GMEB1: variants seen among roughly 807,000 people sequenced by gnomAD.
GMEB1 encodes the protein glucocorticoid modulatory element binding protein 1, also known as glucocorticoid modulatory element-binding protein 1.
In GMEB1, 6 loss-of-function variants were observed where a neutral mutation model predicts 52.4. That is an observed-to-expected ratio of 0.11 (90% confidence interval 0.06 to 0.23). GMEB1 has a LOEUF of 0.23. Ranked by LOEUF, GMEB1 falls within the 10% of genes least tolerant of loss-of-function variation. The pLI, the probability that GMEB1 is intolerant of heterozygous loss-of-function variation, is 1.00. For missense variants in GMEB1, 486 were observed against 685.6 expected (o/e 0.71, Z 3.25); for synonymous variants, 255 against 244.9 (o/e 1.04, Z -0.38).
intron 2 of GMEB1, chr1:28,689,899 G>T: frequency 2.1e-6 from 1 of 469,820 alleles, no homozygotes; most frequent in Non-Finnish European, 3.7e-6. Context: ...GAGGAGAGTT[G>T]TGGATTCATT....
intron 6 of GMEB1, among the ~76,000 whole-genome samples, chr1:28,701,873 A>G (rs1435299567): frequency 6.6e-6 from 1 of 152,188 alleles, no homozygotes; most frequent in East Asian, 1.9e-4. Flanking sequence ...ATCTTACTAT[A>G]CAAGTAATAG....
chr1:28,685,295 C>A (rs954910421), intron 2 of GMEB1, among the ~76,000 whole-genome samples: 1 of 151,678 alleles, frequency 6.6e-6, no homozygotes, highest in African/African-American at 2.4e-5. Flanking sequence ...CTGCAACCTC[C>A]GCCTCCCAGG....
At chr1:28,714,048 C>T in intron 9 of GMEB1, 25 bp from the exon 10 acceptor site, 1 of 1,563,402 alleles carries the variant, frequency 6.4e-7, no homozygotes, top group East Asian at 2.3e-5. Context: ...TCCCTCTACA[C>T]AAAGTCTTTT....
intron 5 of GMEB1, among the ~76,000 whole-genome samples, chr1:28,693,972 G>A (rs1290753800): frequency 6.6e-6 from 1 of 151,848 alleles, no homozygotes; most frequent in Admixed American, 6.6e-5. Flanking sequence ...GTCAATTATG[G>A]CTTGTGTAAA....
intron 9 of GMEB1, 127 bp from the exon 10 acceptor site, chr1:28,713,946 A>G (rs774562308): frequency 2.0e-4 from 142 of 703,874 alleles, no homozygotes; most frequent in Non-Finnish European, 3.1e-4. Context: ...AAAGAAAACA[A>G]TGTCACAACT....
At position 28,717,947 on chromosome 1, in the gene GMEB1, C is replaced by T. The variant is rs1224391108; in HGVS notation, c.*3174C>T. ...GAGATTTCCTCAAACAGCCTGTTTA[C>T]TAGATGAATTTTCCAGCTGGTGAAA... On this transcript the variant is annotated 3_prime_UTR_variant, in exon 10 of 10. Transcript: ENST00000373816. The T allele has an allele frequency of 3.3e-5, 5 of 152,158 alleles. No individual in the cohort carries two copies. In the South Asian group the frequency reaches 1.0e-3, roughly 31 times the overall value. The allele number at this position is 152,158 out of a possible 1,614,324, so 9.4% of individuals were successfully genotyped here.
intron 1 of GMEB1, among the ~76,000 whole-genome samples, chr1:28,677,731 A>G (rs1480293677): frequency 6.6e-6 from 1 of 152,150 alleles, no homozygotes; most frequent in Non-Finnish European, 1.5e-5. Flanking sequence ...TGGTATTTGT[A>G]TGCTTTATCA....
chr1:28,704,180 T>A lies in GMEB1; in HGVS notation c.731-12T>A. The stretch of plus-strand genomic sequence containing the variant: ...CTCTTTTTTACCCTCTGTCTTATCC[T>A]TCTTGTGCCAGAGGACACTTTGATG... On this transcript the variant is annotated splice_polypyrimidine_tract_variant and intron_variant, in intron 7 of 9. Coordinates refer to ENST00000373816, the MANE Select transcript of GMEB1 (RefSeq NM_001319674.2). 6.2e-7 allele frequency: 1 copy of A among 1,608,062 alleles called. No individual in the cohort carries two copies. The highest frequency in any genetic ancestry group is 1.1e-5 in the South Asian group (1 of 90,132).
rs779843026 is a variant in GMEB1 at position 28,691,592 on chromosome 1, C to T, written c.219C>T (p.Gly73=). The change falls in exon 4 of 10, where the codon GGC becomes GGT. Residue 73 remains glycine (G), a synonymous_variant. Coordinates refer to ENST00000373816, the MANE Select transcript of GMEB1 (RefSeq NM_001319674.2). ...IHKIEEGIDT[G]TIEANEDMEI... is the part of the protein sequence containing the mutation. ...TATTTTTTCTGTTTTCAGATACAGG[C>T]ACTATAGAAGCAAATGAGGATATGG... is the stretch of plus-strand genomic sequence containing the variant. 3 of 1,544,232 alleles carry T rather than the reference C, an allele frequency of 1.9e-6. No individual in the cohort carries two copies. Among genetic ancestry groups the T allele is most frequent in the Non-Finnish European group, 2.6e-6 (3 of 1,134,250 alleles).
At chr1:28,702,758 G>T (rs1018752616) in intron 7 of GMEB1, among the ~76,000 whole-genome samples, 189 bp downstream of exon 7, 1 of 152,034 alleles carries the variant, frequency 6.6e-6, no homozygotes, top group Non-Finnish European at 1.5e-5. Context: ...TACATACAAA[G>T]AAATCAGAAT....
At chr1:28,702,997 A>C (rs1191744938) in intron 7 of GMEB1, among the ~76,000 whole-genome samples, 1 of 152,176 alleles carries the variant, frequency 6.6e-6, no homozygotes, top group Non-Finnish European at 1.5e-5. Flanking sequence ...AGCCTGGGCG[A>C]CTAAGCAAGA....
upstream of GMEB1, among the ~76,000 whole-genome samples, chr1:28,668,456 T>C (rs930415689): frequency 6.6e-6 from 1 of 151,820 alleles, no homozygotes; most frequent in Non-Finnish European, 1.5e-5. Flanking sequence ...GTAAATGGAG[T>C]AGAGTCCTCC....
At chr1:28,693,945 G>A (rs990040085) in intron 5 of GMEB1, among the ~76,000 whole-genome samples, 3 of 151,766 alleles carry the variant, frequency 2.0e-5, no homozygotes, top group African/African-American at 7.3e-5. Flanking sequence ...TTAATATATA[G>A]TCAAAAGACT....
At chr1:28,674,868 G>A (rs892732820) in intron 1 of GMEB1, among the ~76,000 whole-genome samples, 1 of 143,866 alleles carries the variant, frequency 7.0e-6, no homozygotes, top group Non-Finnish European at 1.5e-5. Flanking sequence ...ACAGGCGCCC[G>A]CCACTACGCC....
rs145849888 is a variant in GMEB1, at chr1:28,710,894, T to C, written c.991+252T>C. ...TGGAGGATTAAGATGTCTCTTAGAT[T>C]GCTCCATTAATTCAATAACATTGGT... On this transcript the variant is annotated intron_variant, in intron 9 of 9. Transcript: ENST00000373816. Among the ~76,000 whole-genome samples, 566 of 152,290 alleles carry C rather than the reference T, an allele frequency of 3.7e-3. 1 individual carries two copies. The highest frequency in any genetic ancestry group is 6.5e-3 in the Non-Finnish European group (439 of 68,016).
intron 1 of GMEB1, among the ~76,000 whole-genome samples, chr1:28,680,030 A>C (rs1014906531): frequency 3.3e-5 from 5 of 151,172 alleles, no homozygotes; most frequent in African/African-American, 9.7e-5. Flanking sequence ...CTAGTCACCA[A>C]CTCCCGACCT....
At chr1:28,680,465 A>G (rs1024559643) in intron 1 of GMEB1, among the ~76,000 whole-genome samples, 5 of 151,950 alleles carry the variant, frequency 3.3e-5, no homozygotes, top group Non-Finnish European at 7.4e-5. Flanking sequence ...GGCCAGGCGC[A>G]GTGGCTCATA....
intron 1 of GMEB1, among the ~76,000 whole-genome samples, chr1:28,675,007 C>T (rs1213870728): frequency 3.2e-3 from 434 of 136,884 alleles, no homozygotes; most frequent in African/African-American, 0.011. Flanking sequence ...GCGTGAGCCA[C>T]CGCGCCCGGC....
rs185895645 is a variant in GMEB1 at position 28,697,495 on chromosome 1, A to T, written c.598+411A>T. ...AGTGCTGGGATTACAGGCATGAGCC[A>T]CCATGCCTGTCCCCTTGCATATTCT... On this transcript the variant is annotated intron_variant, in intron 6 of 9. Transcript: ENST00000373816. Among the ~76,000 whole-genome samples, 557 of 152,158 alleles carry T rather than the reference A, an allele frequency of 3.7e-3. 6 individuals carry two copies. The highest frequency in any genetic ancestry group is 0.013 in the African/African-American group (533 of 41,540).
Sources: allele counts gnomAD v4.1 joint callset (sites outside exome capture counted in the v4.1 genomes callset), GRCh38; gene constraint gnomAD v4.1.1; transcripts MANE v1.5; gene names NCBI Gene and HGNC (gene_info 2026-07-23, HGNC 2026-07-21).